MTX3: variants seen among roughly 807,000 people sequenced by gnomAD.
MTX3 encodes metaxin-3.
MTX3 carries 27 observed loss-of-function variants against 42.5 expected under a neutral mutation model. That is an observed-to-expected ratio of 0.64 (90% CI 0.47 to 0.88). MTX3 has a LOEUF of 0.88. Among genes scored for constraint, MTX3 ranks in the 40% least tolerant of loss-of-function variants. The pLI is 0.00. For missense variants in MTX3, 378 were observed against 367.0 expected (o/e 1.03, Z -0.25); for synonymous variants, 144 against 132.9 (o/e 1.08, Z -0.57).
rs1831657504 is a variant in MTX3 at position 79,991,200 on chromosome 5, G to A, written c.39C>T (p.Gly13=). ...APLELSCWGG[G]WGLPSVHSES... is the part of the protein sequence containing the mutation. Reference sequence around the variant, plus strand: ...CGCTGTGAACCGATGGGAGTCCCCAGCCGCCTCCCCAGCAACTGAGTTCCA... The same window carrying A: ...CGCTGTGAACCGATGGGAGTCCCCAACCGCCTCCCCAGCAACTGAGTTCCA... The change falls in exon 1 of 9, where the codon GGC becomes GGT. Residue 13 remains glycine, a synonymous_variant. Coordinates refer to ENST00000512528, the MANE Select transcript of MTX3 (RefSeq NM_001363818.2). The A allele has an allele frequency of 6.7e-7, 1 of 1,486,650 alleles. No individual in the cohort carries two copies. Among genetic ancestry groups the A allele is most frequent in the Non-Finnish European group, 9.0e-7 (1 of 1,112,108 alleles). 92.1% of individuals were successfully genotyped at this position (1,486,650 alleles called of 1,614,324 possible).
Position 79,983,839 on chromosome 5 carries a change from G to A in MTX3, c.829-45C>T, listed in dbSNP as rs368584024. On this transcript the variant is annotated intron_variant, in intron 8 of 8. Transcript: ENST00000512528. ...TACATCTGACTAATGCTGTGGCACC[G>A]CTTATGTGGACTGTGGCCTCCCCAT... is the stretch of plus-strand genomic sequence containing the variant. The A allele has an allele frequency of 2.5e-5, 33 of 1,325,066 alleles. No homozygotes were observed. The Middle Eastern group carries it at 9.2e-4, about 37-fold the overall frequency. The allele number at this position is 1,325,066 out of a possible 1,614,324, so 82.1% of individuals were successfully genotyped here.
Position 79,981,640 on chromosome 5 carries a change from T to C in MTX3, c.*2044A>G, listed in dbSNP as rs937440218. ...TTAGCAGTTTTGTTGAAAAGAAAAATTGACATAACCTAGCATTATCTTTTG... is the reference window on the plus strand; with the variant it reads ...TTAGCAGTTTTGTTGAAAAGAAAAACTGACATAACCTAGCATTATCTTTTG... On this transcript the variant is annotated 3_prime_UTR_variant, in exon 9 of 9. Transcript: ENST00000512528. The C allele has an allele frequency of 6.6e-6, 1 of 152,158 alleles. No individual in the cohort carries two copies. Among genetic ancestry groups the C allele is most frequent in the Non-Finnish European group, 1.5e-5 (1 of 68,016 alleles). The allele number at this position is 152,158 out of a possible 1,614,324, so 9.4% of individuals were successfully genotyped here. A position where few individuals can be genotyped will look rare whatever the true frequency, so the allele number is the denominator to read the frequency against.
rs1831656754 is a variant in MTX3, at chr5:79,991,191, G to C, written c.48C>G (p.Leu16=). The C allele has an allele frequency of 6.7e-7, 1 of 1,499,708 alleles. No individual in the cohort carries two copies. The allele number at this position is 1,499,708 out of a possible 1,614,324, so 92.9% of individuals were successfully genotyped here. Residue 16 remains leucine (L), a synonymous_variant, in exon 1 of 9, where the codon CTC becomes CTG. Transcript: ENST00000512528. ...CCAGGGACTCGCTGTGAACCGATGG[G>C]AGTCCCCAGCCGCCTCCCCAGCAAC... ...ELSCWGGGWG[L]PSVHSESLVV...
At chr5:79,990,550 A>AG in intron 2 of MTX3, 44 bp downstream of exon 2, 1 of 1,284,056 alleles carries the variant, frequency 7.8e-7, no homozygotes, top group Non-Finnish European at 1.1e-6. Context: ...TGGAAGAAGA[A>AG]AAAAAAGAGT....
rs1468580596 is a variant in MTX3 at position 79,983,234 on chromosome 5, T to C, written c.*450A>G. On this transcript the variant is annotated 3_prime_UTR_variant, in exon 9 of 9. Coordinates refer to ENST00000512528, the MANE Select transcript of MTX3 (RefSeq NM_001363818.2). ...GTTCCTAAAATAGGCATCAAATTTC[T>C]AAACAGAAGTAAAAAGCCTCAGCCA... 1 of 155,412 alleles carries C rather than the reference T, an allele frequency of 6.4e-6. No individual in the cohort carries two copies. Among genetic ancestry groups the C allele is most frequent in the Non-Finnish European group, 1.4e-5 (1 of 70,124 alleles). 9.6% of individuals were successfully genotyped at this position (155,412 alleles called of 1,614,324 possible). A position where few individuals can be genotyped will look rare whatever the true frequency, so the allele number is the denominator to read the frequency against.
Position 79,983,461 on chromosome 5 carries a change from C to G in MTX3, c.*223G>C, listed in dbSNP as rs1002082658. The G allele has an allele frequency of 2.8e-5, 15 of 542,248 alleles. No individual in the cohort carries two copies. The highest frequency in any genetic ancestry group is 1.3e-4 in the East Asian group (4 of 31,536). The allele number at this position is 542,248 out of a possible 1,614,324, so 33.6% of individuals were successfully genotyped here. Reference sequence around the variant, plus strand: ...CGATGTGTTTTTCTTCCCCGCCCCCCCAACCAAGTTCATTTAGCATTCTCT... The same window carrying G: ...CGATGTGTTTTTCTTCCCCGCCCCCGCAACCAAGTTCATTTAGCATTCTCT... On this transcript the variant is annotated 3_prime_UTR_variant, in exon 9 of 9. Coordinates refer to ENST00000512528, the MANE Select transcript of MTX3 (RefSeq NM_001363818.2).
chr5:79,990,004 C>T (rs1220422780), intron 3 of MTX3, among the ~76,000 whole-genome samples, 156 bp downstream of exon 3: 2 of 152,152 alleles, frequency 1.3e-5, no homozygotes, highest in Admixed American at 6.5e-5. Flanking sequence ...AGAACTCATG[C>T]TTTAGAGCAG....
chr5:79,988,422 C>T, intron 5 of MTX3, 40 bp downstream of exon 5: 4 of 1,584,724 alleles, frequency 2.5e-6, no homozygotes, highest in Non-Finnish European at 3.4e-6. Flanking sequence ...CTTGTCCTTT[C>T]TCTCTAGGGC....
rs181670114 is a variant in MTX3 at position 79,986,955 on chromosome 5, A to G, written c.734T>C (p.Leu245Pro). Residue 245 changes from leucine (L) to proline (P), a missense_variant, in exon 7 of 9, where the codon CTT becomes CCT. By Grantham distance (98) the Leu-to-Pro change is moderately conservative (BLOSUM62 -3). Coordinates refer to ENST00000512528, the MANE Select transcript of MTX3 (RefSeq NM_001363818.2). ...CTGAAAAAGAGCCAGCTTACCTCCAAGACTAAGCCTAAAATAACTGCTCAG... is the reference window on the plus strand; with the variant it reads ...CTGAAAAAGAGCCAGCTTACCTCCAGGACTAAGCCTAAAATAACTGCTCAG... ...DILSSYFRLS[L>P]GGISPAGQET... The G allele has an allele frequency of 1.1e-5, 17 of 1,613,546 alleles. No individual in the cohort carries two copies. Among genetic ancestry groups the G allele is most frequent in the African/African-American group, 2.7e-5 (2 of 74,912 alleles).
At chr5:79,984,739 T>C (rs978670612) in intron 8 of MTX3, among the ~76,000 whole-genome samples, 4 of 152,098 alleles carry the variant, frequency 2.6e-5, no homozygotes, top group Non-Finnish European at 4.4e-5. Flanking sequence ...CCCTACCCAG[T>C]TCCTCAATGT....
rs140921250 is a variant in MTX3, at chr5:79,986,880, T to C, written c.739+70A>G. ...CACAAACTTCTAAAATTAAAATAAGTAGTGGATTTTGCTTATACATACATA... is the reference window on the plus strand; with the variant it reads ...CACAAACTTCTAAAATTAAAATAAGCAGTGGATTTTGCTTATACATACATA... On this transcript the variant is annotated intron_variant, in intron 7 of 8. Coordinates refer to ENST00000512528, the MANE Select transcript of MTX3 (RefSeq NM_001363818.2). 197 of 1,415,616 alleles carry C rather than the reference T, an allele frequency of 1.4e-4. 1 individual carries two copies. The African/African-American group carries it at 2.5e-3, about 18-fold the overall frequency. 87.7% of individuals were successfully genotyped at this position (1,415,616 alleles called of 1,614,324 possible).
intron 5 of MTX3, 43 bp from the exon 6 acceptor site, chr5:79,988,358 C>G: frequency 6.7e-7 from 1 of 1,503,214 alleles, no homozygotes; most frequent in South Asian, 1.2e-5. Flanking sequence ...AAAAGATACT[C>G]TAAAACTACT....
intron 7 of MTX3, among the ~76,000 whole-genome samples, chr5:79,986,372 T>A (rs1044763554): frequency 6.6e-6 from 1 of 152,192 alleles, no homozygotes; most frequent in African/African-American, 2.4e-5. Flanking sequence ...CAGCCAACCA[T>A]CCCAATAGAA....
rs1042763010 is a variant in MTX3 at position 79,983,713 on chromosome 5, T to A, written c.910A>T (p.Asn304Tyr). The A allele has an allele frequency of 6.2e-7, 1 of 1,613,968 alleles. No homozygotes were observed. Among genetic ancestry groups the A allele is most frequent in the Non-Finnish European group, 8.5e-7 (1 of 1,179,824 alleles). Residue 304 changes from asparagine (N) to tyrosine (Y), a missense_variant, in exon 9 of 9, where the codon AAT becomes TAT. Asn to Tyr is a moderately radical substitution (Grantham distance 143, BLOSUM62 -2). Transcript: ENST00000512528. ...TLKLTPAEEENNSFQRLSP is the reference protein window; with the variant it reads ...TLKLTPAEEEYNSFQRLSP The stretch of plus-strand genomic sequence containing the variant: ...GGCGAAAGCCGTTGGAAGGAATTAT[T>A]TTCTTCTTCTGCTGGAGTCAATTTA...
At chr5:79,986,425 A>C (rs1831491185) in intron 7 of MTX3, among the ~76,000 whole-genome samples, 1 of 152,192 alleles carries the variant, frequency 6.6e-6, no homozygotes, top group African/African-American at 2.4e-5. Flanking sequence ...CCACTCTCTC[A>C]ATGAAGCACA....
rs960648817 is a variant in MTX3 at position 79,985,468 on chromosome 5, A to G, written c.828+103T>C. The G allele has an allele frequency of 1.5e-5, 11 of 756,138 alleles. No individual in the cohort carries two copies. In the East Asian group the frequency reaches 3.0e-4, roughly 21 times the overall value. 46.8% of individuals were successfully genotyped at this position (756,138 alleles called of 1,614,324 possible). A position where few individuals can be genotyped will look rare whatever the true frequency, so the allele number is the denominator to read the frequency against. On this transcript the variant is annotated intron_variant, in intron 8 of 8. Transcript: ENST00000512528. Reference sequence around the variant, plus strand: ...CAGTTTTCTGAAAAACAAACTCTATAAAAAAAACTAAAAGGGTACAGTTAA... The same window carrying G: ...CAGTTTTCTGAAAAACAAACTCTATGAAAAAAACTAAAAGGGTACAGTTAA...
chr5:79,984,641 G>T (rs1374680053), intron 8 of MTX3, among the ~76,000 whole-genome samples: 3 of 148,688 alleles, frequency 2.0e-5, no homozygotes, highest in African/African-American at 4.9e-5. Context: ...AAAAAAGCAA[G>T]CTTATCAGTT....
chr5:79,979,228 A>G lies in MTX3; in HGVS notation c.*4456T>C, dbSNP rs572017732. 2 of 152,322 alleles carry G rather than the reference A, an allele frequency of 1.3e-5. No individual in the cohort carries two copies. Among genetic ancestry groups the G allele is most frequent in the South Asian group, 4.2e-4 (2 of 4,818 alleles). 9.4% of individuals were successfully genotyped at this position (152,322 alleles called of 1,614,324 possible). Reference sequence around the variant, plus strand: ...CACAAACTAAAACTAATTTATCCTTATATCTCTGCAAAAATTAGCATTTTG... The same window carrying G: ...CACAAACTAAAACTAATTTATCCTTGTATCTCTGCAAAAATTAGCATTTTG... On this transcript the variant is annotated 3_prime_UTR_variant, in exon 9 of 9. Coordinates refer to ENST00000512528, the MANE Select transcript of MTX3 (RefSeq NM_001363818.2).
chr5:79,988,712 T>C lies in MTX3; in HGVS notation c.322-68A>G. 10 of 1,349,290 alleles carry C rather than the reference T, an allele frequency of 7.4e-6. No individual in the cohort carries two copies. The South Asian group carries it at 1.5e-4, about 20-fold the overall frequency. 83.6% of individuals were successfully genotyped at this position (1,349,290 alleles called of 1,614,324 possible). ...TAAATGAAAGATCACTCAATCAACA[T>C]GAGAGTTTTTCATAAATATCTTTAT... On this transcript the variant is annotated intron_variant, in intron 4 of 8. Transcript: ENST00000512528.
Sources: allele counts gnomAD v4.1 joint callset (sites outside exome capture counted in the v4.1 genomes callset), GRCh38; gene constraint gnomAD v4.1.1; transcripts MANE v1.5; gene names NCBI Gene and HGNC (gene_info 2026-07-23, HGNC 2026-07-21).